PRND: variants seen among roughly 807,000 people sequenced by gnomAD.
The protein encoded by PRND is prion-like protein doppel.
For missense variants in PRND, 227 were observed against 223.3 expected (o/e 1.02, Z -0.11); for synonymous variants, 94 against 93.2 (o/e 1.01, Z -0.05).
chr20:4,723,284 T>C (rs949508741), intron 1 of PRND, among the ~76,000 whole-genome samples: 1 of 152,178 alleles, frequency 6.6e-6, no homozygotes, highest in Non-Finnish European at 1.5e-5. Context: ...CAGGACAACA[T>C]TTATAACATG....
rs1036441145 is a variant in PRND at position 4,725,330 on chromosome 20, A to G, written c.*248A>G. On this transcript the variant is annotated 3_prime_UTR_variant, in exon 2 of 2. Transcript: ENST00000305817. ...GCGTCTGGCACACTAGATTAGTAGT[A>G]AATGCTTGATGAGAAGAACACATCA... 17 of 528,880 alleles carry G rather than the reference A, an allele frequency of 3.2e-5. No homozygotes were observed. The highest frequency in any genetic ancestry group is 2.7e-4 in the African/African-American group (14 of 51,104). 32.8% of individuals were successfully genotyped at this position (528,880 alleles called of 1,614,324 possible). A position where few individuals can be genotyped will look rare whatever the true frequency, so the allele number is the denominator to read the frequency against.
At position 4,724,998 on chromosome 20, in the gene PRND, G is replaced by A; in HGVS notation, c.447G>A (p.Leu149=). The part of the protein sequence containing the change: ...LCSLKHCEFW[L]ERGAGLRVTM... ...CCCTCAAGCATTGCGAGTTTTGGTT[G>A]GAGAGGGGCGCAGGACTTCGGGTCA... is the stretch of plus-strand genomic sequence containing the variant. Residue 149 remains leucine (L), a synonymous_variant, in exon 2 of 2, where the codon TTG becomes TTA. Coordinates refer to ENST00000305817, the MANE Select transcript of PRND (RefSeq NM_012409.4). This position sits in a 1 kb window ranked among gnomAD's most constrained non-coding sequence, Gnocchi z 4.8. 1 of 1,613,780 alleles carries A rather than the reference G, an allele frequency of 6.2e-7. No individual in the cohort carries two copies. The highest frequency in any genetic ancestry group is 8.5e-7 in the Non-Finnish European group (1 of 1,179,922).
At chr20:4,723,644 G>A (rs1225307124) in intron 1 of PRND, among the ~76,000 whole-genome samples, 2 of 152,234 alleles carry the variant, frequency 1.3e-5, no homozygotes, top group Admixed American at 6.5e-5. Flanking sequence ...AGAACAAAGA[G>A]GGGAGATTGA....
At chr20:4,722,579 C>CTT (rs57057107) in intron 1 of PRND, among the ~76,000 whole-genome samples, 1 of 147,622 alleles carries the variant, frequency 6.8e-6, no homozygotes, top group African/African-American at 2.5e-5. Flanking sequence ...TGTGTTTTGC[C>CTT]TTTTTTTTTT....
Position 4,728,207 on chromosome 20 carries a change from A to T in PRND, c.*3125A>T, listed in dbSNP as rs1472467727. On this transcript the variant is annotated 3_prime_UTR_variant, in exon 2 of 2. Coordinates refer to ENST00000305817, the MANE Select transcript of PRND (RefSeq NM_012409.4). ...ACACAAGTGAGGGCTTTTTAACTTG[A>T]TTATGCCTTTTAAAAATACTATGTA... 1 of 165,760 alleles carries T rather than the reference A, an allele frequency of 6.0e-6. No homozygotes were observed. The highest frequency in any genetic ancestry group is 1.5e-5 in the Non-Finnish European group (1 of 67,964). 10.3% of individuals were successfully genotyped at this position (165,760 alleles called of 1,614,324 possible). A position where few individuals can be genotyped will look rare whatever the true frequency, so the allele number is the denominator to read the frequency against.
rs1268460519 is a variant in PRND, at chr20:4,724,084, A to ATG, written c.-11-453_-11-452dup. ...TATATACGTGTATATATACATATAT[A>ATG]TGTGTATATATATACGTGTATACAC... On this transcript the variant is annotated intron_variant, in intron 1 of 1. Transcript: ENST00000305817. This position sits in a 1 kb window ranked among gnomAD's most constrained non-coding sequence, Gnocchi z 4.8. Among the ~76,000 whole-genome samples, 1 of 150,320 alleles carries ATG rather than the reference A, an allele frequency of 6.7e-6. No homozygotes were observed. The highest frequency in any genetic ancestry group is 2.5e-5 in the African/African-American group (1 of 40,356).
intron 1 of PRND, among the ~76,000 whole-genome samples, chr20:4,722,478 C>A (rs559703617): frequency 6.6e-6 from 1 of 151,100 alleles, no homozygotes; most frequent in Non-Finnish European, 1.5e-5. Flanking sequence ...GGGACAAAGA[C>A]GAGGCGATGT....
chr20:4,722,860 GA>G (rs1201940075), intron 1 of PRND, among the ~76,000 whole-genome samples: 1 of 152,072 alleles, frequency 6.6e-6, no homozygotes, highest in Non-Finnish European at 1.5e-5. Flanking sequence ...TCGGCCTTGG[GA>G]AGTGGATTTC....
At position 4,726,226 on chromosome 20, in the gene PRND, G is replaced by A. The variant is rs1923264181; in HGVS notation, c.*1144G>A. 1.3e-5 allele frequency: 2 copies of A among 158,662 alleles called. No homozygotes were observed. The highest frequency in any genetic ancestry group is 3.0e-5 in the Non-Finnish European group (2 of 67,078). The allele number at this position is 158,662 out of a possible 1,614,324, so 9.8% of individuals were successfully genotyped here. Reference sequence around the variant, plus strand: ...TGTATTTAAGAAAAACAAAATGTTAGTGGCATATTTGCTTCTAATGTTCCC... The same window carrying A: ...TGTATTTAAGAAAAACAAAATGTTAATGGCATATTTGCTTCTAATGTTCCC... On this transcript the variant is annotated 3_prime_UTR_variant, in exon 2 of 2. Coordinates refer to ENST00000305817, the MANE Select transcript of PRND (RefSeq NM_012409.4).
Position 4,725,392 on chromosome 20 carries a change from A to G in PRND, c.*310A>G. 1 of 317,510 alleles carries G rather than the reference A, an allele frequency of 3.1e-6. No individual in the cohort carries two copies. The highest frequency in any genetic ancestry group is 6.3e-5 in the East Asian group (1 of 15,766). 19.7% of individuals were successfully genotyped at this position (317,510 alleles called of 1,614,324 possible). ...ACCTGCTTCACAGTACTTCCCAACA[A>G]CTCTTAGAGGTAGGTGTATTCCCGT... On this transcript the variant is annotated 3_prime_UTR_variant, in exon 2 of 2. Coordinates refer to ENST00000305817, the MANE Select transcript of PRND (RefSeq NM_012409.4).
At position 4,725,040 on chromosome 20, in the gene PRND, G is replaced by A; in HGVS notation, c.489G>A (p.Val163=). The A allele has an allele frequency of 6.2e-7, 1 of 1,613,574 alleles. No individual in the cohort carries two copies. The highest frequency in any genetic ancestry group is 8.5e-7 in the Non-Finnish European group (1 of 1,179,972). ...TTCGGGTCACCATGCACCAGCCAGT[G>A]CTCCTCTGCCTTCTGGCTTTGATCT... ...AGLRVTMHQP[V]LLCLLALIWL... The change falls in exon 2 of 2, where the codon GTG becomes GTA. Residue 163 remains valine (V), a synonymous_variant. Coordinates refer to ENST00000305817, the MANE Select transcript of PRND (RefSeq NM_012409.4).
At chr20:4,722,009 T>C (rs993951501) in intron 1 of PRND, 40 bp downstream of exon 1, 1 of 152,236 alleles carries the variant, frequency 6.6e-6, no homozygotes, top group Admixed American at 6.5e-5. Context: ...ACTGCTGGTT[T>C]CTTATCAAGG....
Position 4,725,270 on chromosome 20 carries a change from G to A in PRND, c.*188G>A. 1.4e-6 allele frequency: 1 copy of A among 697,696 alleles called. No individual in the cohort carries two copies. Among genetic ancestry groups the A allele is most frequent in the African/African-American group, 1.8e-5 (1 of 54,326 alleles). The allele number at this position is 697,696 out of a possible 1,614,324, so 43.2% of individuals were successfully genotyped here. ...GCGTTCTGATAGATGGGGGACTGTG[G>A]CTTCTCCGTCACTCCATTCTCAGCC... On this transcript the variant is annotated 3_prime_UTR_variant, in exon 2 of 2. Coordinates refer to ENST00000305817, the MANE Select transcript of PRND (RefSeq NM_012409.4).
chr20:4,726,173 T>G lies in PRND; in HGVS notation c.*1091T>G, dbSNP rs972685785. 1 of 148,884 alleles carries G rather than the reference T, an allele frequency of 6.7e-6. No homozygotes were observed. The highest frequency in any genetic ancestry group is 2.9e-5 in the African/African-American group (1 of 34,482). 9.2% of individuals were successfully genotyped at this position (148,884 alleles called of 1,614,324 possible). ...TTTTTTTCAAAAGAAGGGTAAGTGC[T>G]TGCTGTTCCCATCCCTGAAACATTG... On this transcript the variant is annotated 3_prime_UTR_variant, in exon 2 of 2. Coordinates refer to ENST00000305817, the MANE Select transcript of PRND (RefSeq NM_012409.4).
chr20:4,723,271 T>A (rs761653295), intron 1 of PRND, among the ~76,000 whole-genome samples: 30 of 152,302 alleles, frequency 2.0e-4, no homozygotes, highest in Non-Finnish European at 2.5e-4. Context: ...CTTCTCTGAA[T>A]CCCAGGACAA....
chr20:4,723,676 C>G (rs1923167307), intron 1 of PRND, among the ~76,000 whole-genome samples: 1 of 152,186 alleles, frequency 6.6e-6, no homozygotes, highest in Non-Finnish European at 1.5e-5. Context: ...AAAGTCGGCA[C>G]AGTGGCTCGT....
chr20:4,722,791 C>T (rs750314393), intron 1 of PRND, among the ~76,000 whole-genome samples: 4 of 152,190 alleles, frequency 2.6e-5, no homozygotes, highest in Non-Finnish European at 4.4e-5. Context: ...GGTATGGGAA[C>T]TCCTTCCATT....
chr20:4,724,702 G>T lies in PRND; in HGVS notation c.151G>T (p.Val51Leu), dbSNP rs775079314. Residue 51 changes from valine (V) to leucine (L), a missense_variant, in exon 2 of 2, where the codon GTG becomes TTG. Transcript: ENST00000305817. The surrounding 1 kb of genome is among the most constrained non-coding windows in gnomAD (Gnocchi z 4.8). ...PSTAQITEAQ[V>L]AENRPGAFIK... ...CACTGCCCAGATCACTGAGGCCCAGGTGGCTGAGAACCGCCCGGGAGCCTT... is the reference window on the plus strand; with the variant it reads ...CACTGCCCAGATCACTGAGGCCCAGTTGGCTGAGAACCGCCCGGGAGCCTT... The T allele has an allele frequency of 1.2e-5, 20 of 1,614,088 alleles. No homozygotes were observed. Among genetic ancestry groups the T allele is most frequent in the Middle Eastern group, 3.3e-4 (2 of 6,084 alleles).
At position 4,726,350 on chromosome 20, in the gene PRND, G is replaced by C. The variant is rs934604539; in HGVS notation, c.*1268G>C. 6.0e-5 allele frequency: 10 copies of C among 166,540 alleles called. No homozygotes were observed. The highest frequency in any genetic ancestry group is 2.4e-4 in the African/African-American group (10 of 41,208). The allele number at this position is 166,540 out of a possible 1,614,324, so 10.3% of individuals were successfully genotyped here. A position where few individuals can be genotyped will look rare whatever the true frequency, so the allele number is the denominator to read the frequency against. On this transcript the variant is annotated 3_prime_UTR_variant, in exon 2 of 2. Transcript: ENST00000305817. The stretch of plus-strand genomic sequence containing the variant: ...ATGCAAAGTCTCTCATTTCTTTCAA[G>C]ACAGCCTAATGAAGGCCATCATCTC...
Sources: gnomAD v4.1 joint callset for allele counts (sites outside exome capture counted in the v4.1 genomes callset) on GRCh38, gnomAD v4.1.1 for gene constraint, Gnocchi (gnomAD v3.1) non-coding constraint, MANE v1.5 for transcripts, NCBI Gene and HGNC (gene_info 2026-07-23, HGNC 2026-07-21) for gene names.